FHIT: variants seen among roughly 807,000 people sequenced by gnomAD.
FHIT encodes bis(5'-adenosyl)-triphosphatase.
Under a neutral mutation model 17.9 loss-of-function variants are expected in FHIT, and 19 were observed. The observed-to-expected ratio is 1.06, with a 90% CI of 0.74 to 1.56. FHIT has a LOEUF of 1.56. FHIT is among the 40% of genes most tolerant of loss of function. The pLI is 0.00. For missense variants in FHIT, 248 were observed against 189.2 expected, an observed-to-expected ratio of 1.31 and a Z score of -1.82; for synonymous variants, 81 against 69.7, an observed-to-expected ratio of 1.16 and a Z score of -0.81.
intron 5 of FHIT, among the ~76,000 whole-genome samples, chr3:60,418,374 G>A (rs2687182): frequency 0.057 from 134 of 2,346 alleles, 11 homozygotes; most frequent in East Asian, 0.33. Context: ...ATCTGAATGT[G>A]TGTATATATA....
At chr3:61,038,992 T>C (rs1457831773) in intron 3 of FHIT, among the ~76,000 whole-genome samples, 7 of 152,166 alleles carry the variant, frequency 4.6e-5, no homozygotes, top group Non-Finnish European at 1.0e-4. Context: ...TGTTAGATAA[T>C]ATGGAAATTA....
rs182565223 is a variant in FHIT, at chr3:60,256,809, C to A, written c.104-242657G>T. 7.9e-5 allele frequency among the ~76,000 whole-genome samples: 12 copies of A among 152,284 alleles called. No individual in the cohort carries two copies. The East Asian group carries it at 2.3e-3, about 29-fold the overall frequency. ...CTAATCTCCTTAATATCTCTAGTTT[C>A]TTTCTCTTCAACACAAATTTCCACA... On this transcript the variant is annotated intron_variant, in intron 5 of 9. Coordinates refer to ENST00000492590, the MANE Select transcript of FHIT (RefSeq NM_002012.4).
chr3:60,814,354 C>T (rs566661825), intron 4 of FHIT, among the ~76,000 whole-genome samples: 3 of 152,100 alleles, frequency 2.0e-5, no homozygotes, highest in Non-Finnish European at 4.4e-5. Flanking sequence ...CTTTTCCCCT[C>T]TCCCTTCTTC....
rs1385842587 is a variant in FHIT at position 61,014,918 on chromosome 3, G to A, written c.-111+27129C>T. On this transcript the variant is annotated intron_variant, in intron 3 of 9. Transcript: ENST00000492590. ...TACATCCATATACATATATATATGTGTACACACACATCCATATATATGACA... is the reference window on the plus strand; with the variant it reads ...TACATCCATATACATATATATATGTATACACACACATCCATATATATGACA... 4.8e-5 allele frequency among the ~76,000 whole-genome samples: 7 copies of A among 144,412 alleles called. No homozygotes were observed. In the East Asian group the frequency reaches 1.4e-3, roughly 30 times the overall value. 94.7% of individuals were successfully genotyped at this position (144,412 alleles called of 152,430 possible). A position where few individuals can be genotyped will look rare whatever the true frequency, so the allele number is the denominator to read the frequency against.
intron 4 of FHIT, among the ~76,000 whole-genome samples, chr3:60,800,240 C>A (rs1428150108): frequency 6.6e-6 from 1 of 152,196 alleles, no homozygotes; most frequent in African/African-American, 2.4e-5. Flanking sequence ...GTCTTTGGTA[C>A]CCTTTTCAGC....
chr3:60,512,114 C>A (rs181897000), intron 5 of FHIT, among the ~76,000 whole-genome samples: 1 of 152,088 alleles, frequency 6.6e-6, no homozygotes, highest in Non-Finnish European at 1.5e-5. Context: ...GCCAGAATCA[C>A]CAACAAATGC....
chr3:60,162,122 G>A (rs1462014582), intron 5 of FHIT, among the ~76,000 whole-genome samples: 1 of 152,138 alleles, frequency 6.6e-6, no homozygotes, highest in African/African-American at 2.4e-5. Flanking sequence ...GACAGAGGAA[G>A]GGGCAGAATG....
intron 5 of FHIT, among the ~76,000 whole-genome samples, chr3:60,176,983 A>G (rs1701704067): frequency 6.6e-6 from 1 of 152,162 alleles, no homozygotes; most frequent in South Asian, 2.1e-4. Context: ...GAGGAAGACC[A>G]GAAACAGGAA....
intron 8 of FHIT, among the ~76,000 whole-genome samples, chr3:59,863,853 G>T (rs544414106): frequency 2.0e-5 from 3 of 152,336 alleles, no homozygotes; most frequent in African/African-American, 7.2e-5. Flanking sequence ...TTGGCAAGGT[G>T]CCTGCGGTAG....
At chr3:60,857,983 G>T (rs1383373054) in intron 3 of FHIT, among the ~76,000 whole-genome samples, 1 of 152,156 alleles carries the variant, frequency 6.6e-6, no homozygotes. Flanking sequence ...CAATTGTTAG[G>T]TAGTATTACT....
Position 60,077,735 on chromosome 3 carries a change from TAGA to T in FHIT, c.104-63586_104-63584del, listed in dbSNP as rs1420602851. On this transcript the variant is annotated intron_variant, in intron 5 of 9. Coordinates refer to ENST00000492590, the MANE Select transcript of FHIT (RefSeq NM_002012.4). The stretch of plus-strand genomic sequence containing the variant: ...ACACACACACACACACACACATATA[TAGA>T]GGGGGGGGGGAGGATACAAAGTAAC... 6.9e-3 allele frequency among the ~76,000 whole-genome samples: 439 copies of T among 63,198 alleles called. 6 individuals are homozygous for T. Among genetic ancestry groups the T allele is most frequent in the African/African-American group, 0.017 (261 of 15,416 alleles). 41.5% of individuals were successfully genotyped at this position (63,198 alleles called of 152,430 possible). A position where few individuals can be genotyped will look rare whatever the true frequency, so the allele number is the denominator to read the frequency against.
intron 5 of FHIT, among the ~76,000 whole-genome samples, chr3:60,058,729 G>T (rs997937874): frequency 6.6e-6 from 1 of 152,128 alleles, no homozygotes; most frequent in Non-Finnish European, 1.5e-5. Flanking sequence ...GATAGTGACA[G>T]CTAGCAACAC....
intron 2 of FHIT, among the ~76,000 whole-genome samples, chr3:61,182,648 C>T (rs953289111): frequency 2.0e-5 from 3 of 152,138 alleles, no homozygotes; most frequent in Non-Finnish European, 4.4e-5. Flanking sequence ...ATTCTCAACA[C>T]CCCTCCATCC....
At chr3:60,540,775 C>A (rs367878545) in intron 4 of FHIT, among the ~76,000 whole-genome samples, 82 of 152,134 alleles carry the variant, frequency 5.4e-4, no homozygotes, top group African/African-American at 1.8e-3. Flanking sequence ...ATGGACACAC[C>A]CACATAGCCA....
At chr3:61,221,061 CAT>C (rs1339309925) in intron 1 of FHIT, among the ~76,000 whole-genome samples, 1 of 152,052 alleles carries the variant, frequency 6.6e-6, no homozygotes, top group Non-Finnish European at 1.5e-5. Context: ...TCTGAAAATT[CAT>C]AGAGTCACAG....
chr3:61,217,150 T>C (rs2039705687), intron 1 of FHIT, among the ~76,000 whole-genome samples: 1 of 151,942 alleles, frequency 6.6e-6, no homozygotes, highest in Non-Finnish European at 1.5e-5. Flanking sequence ...ATAATAATAA[T>C]AAAATAAAAA....
In FHIT at chr3:59,961,994, T is replaced by C. The variant is rs116140931; in HGVS notation, c.280-39580A>G. Among the ~76,000 whole-genome samples the C allele has an allele frequency of 4.5e-3, 678 of 152,204 alleles. 10 individuals carry two copies. The highest frequency in any genetic ancestry group is 0.016 in the African/African-American group (646 of 41,532). ...AGCATGGTGTCTGGCATATAACAAATAAATCAATGCAGCCTCTCAAGGAAT... is the reference window on the plus strand; with the variant it reads ...AGCATGGTGTCTGGCATATAACAAACAAATCAATGCAGCCTCTCAAGGAAT... On this transcript the variant is annotated intron_variant, in intron 7 of 9. Coordinates refer to ENST00000492590, the MANE Select transcript of FHIT (RefSeq NM_002012.4).
chr3:60,897,733 C>A (rs1262553883), intron 3 of FHIT, among the ~76,000 whole-genome samples: 1 of 152,110 alleles, frequency 6.6e-6, no homozygotes, highest in African/African-American at 2.4e-5. Context: ...TTCATTTTCC[C>A]TAACCCCAGG....
At chr3:60,179,548 T>G (rs1270987856) in intron 5 of FHIT, among the ~76,000 whole-genome samples, 1 of 152,110 alleles carries the variant, frequency 6.6e-6, no homozygotes, top group African/African-American at 2.4e-5. Flanking sequence ...CAACATGGGA[T>G]TTTTGGAGGA....
Sources: allele counts gnomAD v4.1 joint callset (sites outside exome capture counted in the v4.1 genomes callset), GRCh38; gene constraint gnomAD v4.1.1; transcripts MANE v1.5; gene names NCBI Gene and HGNC (gene_info 2026-07-23, HGNC 2026-07-21).